The following BCCIP variants were observed in gnomAD, a reference collection of about 807,000 sequenced individuals.
BCCIP encodes the protein BRCA2 and CDKN1A-interacting protein.
In BCCIP, 23 loss-of-function variants were observed where a neutral mutation model predicts 32.8. That is an observed-to-expected ratio of 0.70 (90% CI 0.51 to 0.99). The LOEUF (loss-of-function observed/expected upper bound fraction) is 0.99, where lower values mean the gene tolerates loss of function less well. Ranked by LOEUF, BCCIP falls within the 50% of genes least tolerant of loss-of-function variation. The probability of loss-of-function intolerance (pLI) is 0.00; values close to 1 mark genes in which losing one functional copy is unlikely to be tolerated. For missense variants in BCCIP, 378 were observed against 379.8 expected, an observed-to-expected ratio of 1.00 and a Z score of 0.04; for synonymous variants, 144 against 137.6, an observed-to-expected ratio of 1.05 and a Z score of -0.33.
chr10:125,845,008 A>G (rs1943993265), downstream of BCCIP, among the ~76,000 whole-genome samples: 2 of 152,118 alleles, frequency 1.3e-5, no homozygotes, highest in South Asian at 4.1e-4. Flanking sequence ...AAGCTCCAAT[A>G]TGTGCCTGCA....
At chr10:125,833,137 GAA>G (rs1161862135) in intron 5 of BCCIP, among the ~76,000 whole-genome samples, 4 of 111,694 alleles carry the variant, frequency 3.6e-5, no homozygotes, top group African/African-American at 9.9e-5. Context: ...ACGAAAAAAA[GAA>G]AAAAAAAAAA....
chr10:125,827,834 T>C (rs764077433), intron 3 of BCCIP, among the ~76,000 whole-genome samples, 196 bp downstream of exon 3: 12 of 151,940 alleles, frequency 7.9e-5, no homozygotes, highest in Non-Finnish European at 1.5e-4. Context: ...TAGCCGGGCA[T>C]AGTAGCACAT....
intron 1 of BCCIP, among the ~76,000 whole-genome samples, chr10:125,824,966 T>A (rs1169310259): frequency 6.6e-6 from 1 of 152,246 alleles, no homozygotes; most frequent in Non-Finnish European, 1.5e-5. Flanking sequence ...GATGCAGGAT[T>A]AGAGGTGACA....
At chr10:125,823,753 A>T in intron 1 of BCCIP, 31 bp downstream of exon 1, 1 of 1,608,820 alleles carries the variant, frequency 6.2e-7, no homozygotes, top group Non-Finnish European at 8.5e-7. Context: ...TAGTTGGTTT[A>T]TACCTGAGAA....
chr10:125,823,839 C>A lies in BCCIP; in HGVS notation c.165+117C>A, dbSNP rs966377548. 18 of 1,424,352 alleles carry A rather than the reference C, an allele frequency of 1.3e-5. No homozygotes were observed. The African/African-American group carries it at 2.4e-4, about 19-fold the overall frequency. The allele number at this position is 1,424,352 out of a possible 1,614,324, so 88.2% of individuals were successfully genotyped here. A position where few individuals can be genotyped will look rare whatever the true frequency, so the allele number is the denominator to read the frequency against. Reference sequence around the variant, plus strand: ...GACCCTGAGGGTCTGTGAGGAGAAACTGGAGATAAGTTCTTTCTCAGGTTT... The same window carrying A: ...GACCCTGAGGGTCTGTGAGGAGAAAATGGAGATAAGTTCTTTCTCAGGTTT... On this transcript the variant is annotated intron_variant, in intron 1 of 6. Transcript: ENST00000278100.
chr10:125,832,609 G>T (rs1854548820), intron 5 of BCCIP, among the ~76,000 whole-genome samples: 1 of 151,754 alleles, frequency 6.6e-6, no homozygotes, highest in Non-Finnish European at 1.5e-5. Context: ...TTATAGGAGG[G>T]TGATTTGCTT....
At chr10:125,843,860 C>T (rs1490226570), downstream of BCCIP, among the ~76,000 whole-genome samples, 1 of 152,146 alleles carries the variant, frequency 6.6e-6, no homozygotes, top group African/African-American at 2.4e-5. Flanking sequence ...GCCAAACCAC[C>T]CAAGGGAAAT....
chr10:125,824,794 T>C (rs1044722431), intron 1 of BCCIP, among the ~76,000 whole-genome samples: 4 of 152,276 alleles, frequency 2.6e-5, no homozygotes, highest in African/African-American at 9.6e-5. Flanking sequence ...GCATTGGCTT[T>C]CTAGTTCATT....
intron 6 of BCCIP, among the ~76,000 whole-genome samples, chr10:125,834,618 CAG>C (rs1443398551): frequency 1.3e-5 from 2 of 150,450 alleles, no homozygotes; most frequent in African/African-American, 2.4e-5. Context: ...GCCTGGCCAA[CAG>C]GGAGAAACCC....
chr10:125,839,134 A>T (rs144835764), downstream of BCCIP: 1 of 1,614,246 alleles, frequency 6.2e-7, no homozygotes, highest in South Asian at 1.1e-5. Flanking sequence ...AACATCTGCC[A>T]TTCTGAGTGC....
downstream of BCCIP, among the ~76,000 whole-genome samples, chr10:125,844,457 A>C (rs1458006999): frequency 1.3e-5 from 2 of 152,246 alleles, no homozygotes; most frequent in Non-Finnish European, 2.9e-5. Context: ...GGTTAGTAAC[A>C]TAAATGACTT....
downstream of BCCIP, among the ~76,000 whole-genome samples, chr10:125,839,931 A>G (rs1854824048): frequency 6.6e-6 from 1 of 152,180 alleles, no homozygotes; most frequent in African/African-American, 2.4e-5. Flanking sequence ...TGCCCTCAAA[A>G]GGTGCCACCA....
chr10:125,828,573 A>G (rs1240982251), intron 3 of BCCIP, among the ~76,000 whole-genome samples: 1 of 152,164 alleles, frequency 6.6e-6, no homozygotes, highest in Non-Finnish European at 1.5e-5. Context: ...TTGAAGGAGG[A>G]GGGGATGGTC....
chr10:125,834,834 A>AAAC (rs1554894003), intron 6 of BCCIP, among the ~76,000 whole-genome samples: 3 of 148,346 alleles, frequency 2.0e-5, no homozygotes, highest in South Asian at 2.2e-4. Flanking sequence ...ACAAACAAAA[A>AAAC]ACACAAAAAC....
Position 125,834,928 on chromosome 10 carries a change from C to T in BCCIP, c.774+982C>T, listed in dbSNP as rs368268936. Among the ~76,000 whole-genome samples the T allele has an allele frequency of 7.5e-4, 112 of 148,684 alleles. No homozygotes were observed. The East Asian group carries it at 7.8e-3, about 10-fold the overall frequency. ...CGGGTGGATCACGAGGTCAGGAGAT[C>T]GAGACCATCCTGGCTAACATGGTGA... is the stretch of plus-strand genomic sequence containing the variant. On this transcript the variant is annotated intron_variant, in intron 6 of 6. Coordinates refer to ENST00000278100, the MANE Select transcript of BCCIP (RefSeq NM_078468.3).
intron 5 of BCCIP, 76 bp from the exon 6 acceptor site, chr10:125,833,696 G>GT: frequency 6.5e-7 from 1 of 1,529,592 alleles, no homozygotes; most frequent in Non-Finnish European, 9.0e-7. Context: ...GCCTCACCGG[G>GT]TTTTCTGTGC....
In BCCIP at chr10:125,848,446, A is replaced by C. The variant is rs988108531; in HGVS notation, c.851-4679A>C. On this transcript the variant is annotated intron_variant, in intron 7 of 7. Coordinates refer to the BCCIP transcript ENST00000368759. ...CTAATTTTACAGATGAGAAAAAGAC[A>C]AGTGGCTTGCCAAAGCCACATGGCC... Among the ~76,000 whole-genome samples, 9 of 152,310 alleles carry C rather than the reference A, an allele frequency of 5.9e-5. No homozygotes were observed. The East Asian group carries it at 7.7e-4, about 13-fold the overall frequency.
At chr10:125,841,715 AAAG>A (rs769994781) in exon 7 of BCCIP, 9 of 1,591,710 alleles carry the variant, frequency 5.7e-6, no homozygotes, top group Non-Finnish European at 7.7e-6. Flanking sequence ...ATTTGCAAAA[AAAG>A]AAAAGGAATA....
chr10:125,835,093 A>G (rs1164888367), intron 6 of BCCIP, among the ~76,000 whole-genome samples: 1 of 151,754 alleles, frequency 6.6e-6, no homozygotes, highest in Non-Finnish European at 1.5e-5. Context: ...AGATTGCGCC[A>G]CTGCACTCCA....
Sources: allele counts gnomAD v4.1 joint callset (sites outside exome capture counted in the v4.1 genomes callset), GRCh38; gene constraint gnomAD v4.1.1; transcripts MANE v1.5; gene names NCBI Gene and HGNC (gene_info 2026-07-23, HGNC 2026-07-21).